The following LRRC9 variants were observed in gnomAD, a reference collection of about 807,000 sequenced individuals.
LRRC9 encodes leucine rich repeat containing 9.
In LRRC9, 122 loss-of-function variants were observed where a neutral mutation model predicts 63.2. The ratio of observed to expected loss-of-function variants is 1.93; its 90% CI spans 1.67 to 2.24. LRRC9 has a LOEUF of 2.24. LRRC9 is among the 30% of genes most tolerant of loss of function. The pLI is 0.00. For synonymous variants in LRRC9, 366 were observed against 213.1 expected, an observed-to-expected ratio of 1.72 and a Z score of -6.25; for missense variants, 1,071 against 627.7, an observed-to-expected ratio of 1.71 and a Z score of -7.55.
At chr14:59,972,173 T>C (rs534617736) in intron 12 of LRRC9, among the ~76,000 whole-genome samples, 34 of 152,248 alleles carry the variant, frequency 2.2e-4, no homozygotes, top group Non-Finnish European at 4.1e-4. Context: ...CTGTTTTCTA[T>C]TTTTACCCTG....
chr14:60,026,925 C>T (rs1364342145), intron 27 of LRRC9, among the ~76,000 whole-genome samples: 1 of 151,960 alleles, frequency 6.6e-6, no homozygotes, highest in Non-Finnish European at 1.5e-5. Flanking sequence ...TCCCAATGAC[C>T]TCATTTAACC....
chr14:59,948,074 A>G (rs1371579285), intron 8 of LRRC9, among the ~76,000 whole-genome samples: 5 of 120,450 alleles, frequency 4.2e-5, no homozygotes, highest in Non-Finnish European at 6.7e-5. Flanking sequence ...TGGGGATGGT[A>G]TTGAATCTGT....
intron 18 of LRRC9, 125 bp downstream of exon 18, chr14:59,997,972 C>G (rs906470035): frequency 1.8e-6 from 1 of 560,594 alleles, no homozygotes; most frequent in South Asian, 2.5e-5. Context: ...GACTTCCTTC[C>G]TTGAAGTCAT....
Position 60,017,629 on chromosome 14 carries a change from A to T in LRRC9, c.3318-742A>T, listed in dbSNP as rs758173007. Among the ~76,000 whole-genome samples, 19 of 152,188 alleles carry T rather than the reference A, an allele frequency of 1.2e-4. No individual in the cohort carries two copies. The highest frequency in any genetic ancestry group is 8.3e-4 in the South Asian group (4 of 4,820). On this transcript the variant is annotated intron_variant, in intron 24 of 31. Coordinates refer to ENST00000445360, the Ensembl canonical transcript of LRRC9. This position sits in a 1 kb window ranked among gnomAD's most constrained non-coding sequence, Gnocchi z 4.0. ...TCTTTCTTGTAGCCTTTCCAAACAC[A>T]TCCGCTGCACTTAGGAAATACTAAT...
At chr14:59,985,481 T>G (rs1408504501) in intron 17 of LRRC9, among the ~76,000 whole-genome samples, 4 of 152,234 alleles carry the variant, frequency 2.6e-5, no homozygotes, top group African/African-American at 9.6e-5. Flanking sequence ...TTCAAATTTA[T>G]TCTGCCAATT....
intron 29 of LRRC9, among the ~76,000 whole-genome samples, chr14:60,037,728 C>T (rs1892572412): frequency 2.0e-5 from 3 of 152,194 alleles, no homozygotes; most frequent in Non-Finnish European, 4.4e-5. Context: ...CCTGTTCACT[C>T]TGATGGTAGT....
intron 29 of LRRC9, among the ~76,000 whole-genome samples, chr14:60,032,459 C>G (rs1284062027): frequency 6.6e-6 from 1 of 152,008 alleles, no homozygotes; most frequent in East Asian, 1.9e-4. Context: ...GCCCTTTACA[C>G]TTTTCTATAA....
intron 29 of LRRC9, among the ~76,000 whole-genome samples, chr14:60,040,269 A>G (rs1197920181): frequency 6.6e-6 from 1 of 151,980 alleles, no homozygotes; most frequent in Non-Finnish European, 1.5e-5. Context: ...GTAGATGTCT[A>G]TTAGGTCCAC....
intron 29 of LRRC9, among the ~76,000 whole-genome samples, chr14:60,049,159 A>T (rs1893686379): frequency 6.6e-6 from 1 of 152,170 alleles, no homozygotes; most frequent in Admixed American, 6.5e-5. Flanking sequence ...CATATATTAC[A>T]ATCTCCCAAC....
chr14:60,011,885 C>G (rs1890287103), intron 23 of LRRC9, among the ~76,000 whole-genome samples: 1 of 152,154 alleles, frequency 6.6e-6, no homozygotes, highest in African/African-American at 2.4e-5. Context: ...AGAAGATCAT[C>G]TGACTGGAGA....
intron 23 of LRRC9, among the ~76,000 whole-genome samples, chr14:60,015,480 G>C (rs1285269054): frequency 6.6e-6 from 1 of 152,168 alleles, no homozygotes; most frequent in African/African-American, 2.4e-5. Context: ...GGAGATAGAA[G>C]TTCAAATTCC....
intron 17 of LRRC9, among the ~76,000 whole-genome samples, chr14:59,994,469 T>A (rs1237319286): frequency 1.3e-5 from 2 of 152,196 alleles, no homozygotes; most frequent in Non-Finnish European, 2.9e-5. Context: ...CTCAGGGATC[T>A]AGAACTAGAA....
chr14:59,941,797 T>C (rs962438804), intron 7 of LRRC9, among the ~76,000 whole-genome samples: 1 of 152,174 alleles, frequency 6.6e-6, no homozygotes, highest in African/African-American at 2.4e-5. Flanking sequence ...ACATTTATTC[T>C]TTCTGTCGTG....
At chr14:59,974,227 C>CTA (rs1488046654) in intron 12 of LRRC9, among the ~76,000 whole-genome samples, 1 of 152,072 alleles carries the variant, frequency 6.6e-6, no homozygotes, top group African/African-American at 2.4e-5. Context: ...TATAATACCT[C>CTA]ATTCCATTAG....
chr14:59,947,448 G>A (rs1316061601), intron 8 of LRRC9, among the ~76,000 whole-genome samples: 2 of 124,392 alleles, frequency 1.6e-5, no homozygotes, highest in South Asian at 2.9e-4. Flanking sequence ...TTTCTCCCAT[G>A]TTGTAGGTTG....
chr14:59,978,294 A>AT (rs1301078847), intron 15 of LRRC9, among the ~76,000 whole-genome samples, 162 bp downstream of exon 15: 1 of 152,210 alleles, frequency 6.6e-6, no homozygotes, highest in Non-Finnish European at 1.5e-5. Flanking sequence ...GTCAACTAAT[A>AT]TTTTTTAGGC....
At chr14:59,920,741 A>C (rs1888701351) in intron 1 of LRRC9, among the ~76,000 whole-genome samples, 1 of 152,242 alleles carries the variant, frequency 6.6e-6, no homozygotes, top group African/African-American at 2.4e-5. Flanking sequence ...CATCCTAACC[A>C]ACTCTCACGG....
intron 8 of LRRC9, 60 bp downstream of exon 8, chr14:59,944,804 T>C (rs1235775314): frequency 7.0e-6 from 4 of 575,250 alleles, no homozygotes; most frequent in East Asian, 2.9e-5. Flanking sequence ...TTAGATAAGA[T>C]AGCAAGCAAT....
At chr14:60,044,893 C>T (rs541405007) in intron 29 of LRRC9, among the ~76,000 whole-genome samples, 27 of 152,032 alleles carry the variant, frequency 1.8e-4, no homozygotes, top group Admixed American at 7.9e-4. Flanking sequence ...TATTAAAGTC[C>T]ACTACTATTA....
Sources: gnomAD v4.1 joint callset for allele counts (sites outside exome capture counted in the v4.1 genomes callset) on GRCh38, gnomAD v4.1.1 for gene constraint, Gnocchi (gnomAD v3.1) non-coding constraint, MANE v1.5 for transcripts, NCBI Gene and HGNC (gene_info 2026-07-23, HGNC 2026-07-21) for gene names.